The following ANK3 variants were observed in gnomAD, a reference collection of about 807,000 sequenced individuals.
The protein encoded by ANK3 is ankyrin 3.
ANK3 carries 57 observed loss-of-function variants against 370.9 expected under a neutral mutation model. The ratio of observed to expected loss-of-function variants is 0.15; its 90% confidence interval spans 0.12 to 0.19. The LOEUF (loss-of-function observed/expected upper bound fraction) is 0.19. Among genes scored for constraint, ANK3 ranks in the 10% least tolerant of loss-of-function variants. ANK3 has a pLI of 1.00. For missense variants in ANK3, 4,439 were observed against 5,302.1 expected, an observed-to-expected ratio of 0.84 and a Z score of 5.06; for synonymous variants, 1,929 against 1,946.3, an observed-to-expected ratio of 0.99 and a Z score of 0.23.
rs151176809 is a variant in ANK3, at chr10:60,347,652, T to C, written c.114+41773A>G. 6.6e-4 allele frequency among the ~76,000 whole-genome samples: 101 copies of C among 152,260 alleles called. 1 individual carries two copies. The highest frequency in any genetic ancestry group is 2.3e-3 in the African/African-American group (96 of 41,568). ...AATGAATGAATAGTTAAGTTCCAAA[T>C]TGGTGAATTGATACAATCATAAATC... On this transcript the variant is annotated intron_variant, in intron 1 of 43. Transcript: ENST00000280772.
chr10:60,323,531 G>A (rs969147207), intron 1 of ANK3, among the ~76,000 whole-genome samples: 1 of 152,106 alleles, frequency 6.6e-6, no homozygotes, highest in African/African-American at 2.4e-5. Flanking sequence ...GGCTATTAGA[G>A]ATACACACAC....
At chr10:60,047,350 C>G (rs1008651285) in intron 42 of ANK3, among the ~76,000 whole-genome samples, 1 of 152,114 alleles carries the variant, frequency 6.6e-6, no homozygotes, top group Admixed American at 6.6e-5. Flanking sequence ...TTTTATTTCT[C>G]TTAGAATTTT....
chr10:60,311,747 G>A (rs1362153422), intron 1 of ANK3, among the ~76,000 whole-genome samples: 1 of 152,184 alleles, frequency 6.6e-6, no homozygotes, highest in Admixed American at 6.5e-5. Context: ...CTGGAATGCT[G>A]TCTTCCTCCA....
intron 2 of ANK3, among the ~76,000 whole-genome samples, chr10:60,497,805 G>A (rs2075698088): frequency 1.3e-5 from 2 of 152,144 alleles, no homozygotes; most frequent in South Asian, 4.1e-4. Context: ...TACTGTCCTA[G>A]ATGATAACAC....
intron 1 of ANK3, among the ~76,000 whole-genome samples, chr10:60,347,113 C>A (rs1445975667): frequency 6.8e-6 from 1 of 147,520 alleles, no homozygotes; most frequent in African/African-American, 2.6e-5. Context: ...TACATACATA[C>A]TAGATACATG....
intron 2 of ANK3, among the ~76,000 whole-genome samples, chr10:60,402,317 G>A (rs1422184586): frequency 2.0e-5 from 3 of 152,088 alleles, no homozygotes; most frequent in East Asian, 1.9e-4. Flanking sequence ...AAGTATTAAC[G>A]GGGTAAATGG....
intron 1 of ANK3, among the ~76,000 whole-genome samples, chr10:60,728,881 T>G (rs2079980708): frequency 6.6e-6 from 1 of 152,210 alleles, no homozygotes; most frequent in South Asian, 2.1e-4. Context: ...GTAACAATAC[T>G]TACCCTCTAG....
chr10:60,038,784 C>T (rs2075587082), intron 43 of ANK3, among the ~76,000 whole-genome samples: 1 of 152,128 alleles, frequency 6.6e-6, no homozygotes. Context: ...ACACACCAAT[C>T]TTACATATTT....
chr10:60,236,311 C>T (rs1192265354), intron 7 of ANK3, among the ~76,000 whole-genome samples: 1 of 150,268 alleles, frequency 6.7e-6, no homozygotes, highest in Non-Finnish European at 1.5e-5. Context: ...AAAATAATTC[C>T]TTTATAGCAC....
At chr10:60,123,970 C>A (rs1256764082) in intron 25 of ANK3, among the ~76,000 whole-genome samples, 1 of 151,474 alleles carries the variant, frequency 6.6e-6, no homozygotes, top group African/African-American at 2.5e-5. Flanking sequence ...ACTCCATAGC[C>A]CAGTGACTGG....
At chr10:60,120,201 G>T (rs960760310) in intron 25 of ANK3, among the ~76,000 whole-genome samples, 1 of 152,098 alleles carries the variant, frequency 6.6e-6, no homozygotes, top group Non-Finnish European at 1.5e-5. Context: ...TGCTAAGAAC[G>T]TACATTGGAG....
intron 1 of ANK3, chr10:60,733,192 C>T: frequency 8.2e-7 from 1 of 1,216,958 alleles, no homozygotes; most frequent in African/African-American, 1.6e-5. Context: ...GCCCGGGCCT[C>T]CCGCCCGCCC....
chr10:60,071,845 T>G lies in ANK3; in HGVS notation c.9036A>C (p.Ile3012=). Residue 3012 remains isoleucine, a synonymous_variant, in exon 37 of 44, where the codon ATA becomes ATC. Transcript: ENST00000280772. ...CTGAATAGGTAACTTTTTCATCTTC[T>G]ATAGAATTAAAGTGCTGTGTCTCAA... ...ETVETQHFNS[I]EDEKVTYSEI... The G allele has an allele frequency of 6.2e-7, 1 of 1,613,698 alleles. No homozygotes were observed. Among genetic ancestry groups the G allele is most frequent in the Non-Finnish European group, 8.5e-7 (1 of 1,179,856 alleles).
chr10:60,197,391 A>G (rs918226625), intron 14 of ANK3, among the ~76,000 whole-genome samples: 14 of 152,206 alleles, frequency 9.2e-5, no homozygotes, highest in East Asian at 1.9e-4. Context: ...GGGGGTCCCA[A>G]TCATGAGTCA....
chr10:60,048,963 T>G (rs915854236), intron 42 of ANK3, among the ~76,000 whole-genome samples: 1 of 152,240 alleles, frequency 6.6e-6, no homozygotes, highest in Admixed American at 6.5e-5. Context: ...CCATGTCATA[T>G]TCACCATATA....
chr10:60,270,260 C>T (rs767647327), intron 4 of ANK3, 31 bp from the exon 5 acceptor site: 3 of 1,484,062 alleles, frequency 2.0e-6, no homozygotes, highest in Admixed American at 1.9e-5. Context: ...TGTTTGTCTG[C>T]AGCTTTCCAG....
chr10:60,291,637 G>A (rs763940215), intron 1 of ANK3, among the ~76,000 whole-genome samples: 5 of 152,070 alleles, frequency 3.3e-5, no homozygotes, highest in Admixed American at 6.6e-5. Context: ...AAGCAAAGAC[G>A]GAGCAGTGTT....
intron 2 of ANK3, among the ~76,000 whole-genome samples, chr10:60,529,742 T>C (rs1227881426): frequency 6.6e-6 from 1 of 152,156 alleles, no homozygotes; most frequent in African/African-American, 2.4e-5. Context: ...ATATGAGATG[T>C]GACAATATAG....
At chr10:60,563,511 GGCA>G (rs1247326700) in intron 2 of ANK3, among the ~76,000 whole-genome samples, 1 of 152,040 alleles carries the variant, frequency 6.6e-6, no homozygotes, top group Admixed American at 6.6e-5. Flanking sequence ...AGTGTCTTGG[GGCA>G]GCATCCCATA....
Sources: allele counts gnomAD v4.1 joint callset (sites outside exome capture counted in the v4.1 genomes callset), GRCh38; gene constraint gnomAD v4.1.1; transcripts MANE v1.5; gene names NCBI Gene and HGNC (gene_info 2026-07-23, HGNC 2026-07-21).